The following PDE1C variants were observed in gnomAD, a reference collection of about 807,000 sequenced individuals.
The protein encoded by PDE1C is dual specificity calcium/calmodulin-dependent 3',5'-cyclic nucleotide phosphodiesterase 1C.
Under a neutral mutation model 93.1 loss-of-function variants are expected in PDE1C, and 62 were observed. The observed-to-expected ratio is 0.67, with a 90% CI of 0.54 to 0.82. PDE1C has a LOEUF of 0.82. PDE1C is among the 40% of genes least tolerant of loss of function. PDE1C has a pLI of 0.00. For synonymous variants in PDE1C, 325 were observed against 310.1 expected (o/e 1.05, Z -0.50); for missense variants, 742 against 884.6 (o/e 0.84, Z 2.04).
chr7:31,930,905 A>G (rs1804139364), intron 2 of PDE1C, among the ~76,000 whole-genome samples: 1 of 149,326 alleles, frequency 6.7e-6, no homozygotes, highest in Admixed American at 6.7e-5. Flanking sequence ...AGTTGGCTTC[A>G]TCCCTGGGAT....
chr7:31,754,251 A>C (rs1485731794), intron 17 of PDE1C, among the ~76,000 whole-genome samples: 1 of 152,246 alleles, frequency 6.6e-6, no homozygotes, highest in African/African-American at 2.4e-5. Context: ...GCTGGCAAGG[A>C]TGTAAAGTAA....
chr7:31,694,387 A>AACACACACACACAC, the PDE1C span, among the ~76,000 whole-genome samples: 8,758 of 141,524 alleles, frequency 0.062, 325 homozygotes, highest in East Asian at 0.087. Flanking sequence ...CTCTCTCTCA[A>AACACACACACACAC]ACACACACAC....
intron 2 of PDE1C, among the ~76,000 whole-genome samples, chr7:32,050,114 T>C (rs998845168): frequency 2.0e-5 from 3 of 152,222 alleles, no homozygotes; most frequent in Non-Finnish European, 4.4e-5. Flanking sequence ...AGCTAATGCA[T>C]TGTACTACAA....
At chr7:31,786,992 C>G (rs192423666) in intron 16 of PDE1C, 1 of 150,524 alleles carries the variant, frequency 6.6e-6, no homozygotes, top group East Asian at 1.9e-4. Flanking sequence ...ACCTACCTAT[C>G]TAAGGAAAAG....
the PDE1C span, chr7:31,643,634 G>C: frequency 1.2e-6 from 2 of 1,614,054 alleles, no homozygotes; most frequent in Non-Finnish European, 1.7e-6. Flanking sequence ...ACAAAAGCAA[G>C]ACAGTTAAAT....
chr7:32,356,770 A>C (rs1330811337), intron 1 of PDE1C, among the ~76,000 whole-genome samples: 1 of 152,174 alleles, frequency 6.6e-6, no homozygotes, highest in Non-Finnish European at 1.5e-5. Flanking sequence ...ATTTATATTG[A>C]ATCAGTCGCA....
intron 3 of PDE1C, among the ~76,000 whole-genome samples, chr7:32,146,186 TAAC>T (rs2128784697): frequency 6.6e-6 from 1 of 152,260 alleles, no homozygotes; most frequent in South Asian, 2.1e-4. Context: ...GCATTTCTGT[TAAC>T]AGCACTCTCT....
intron 1 of PDE1C, among the ~76,000 whole-genome samples, chr7:32,261,026 C>G (rs1045337944): frequency 1.3e-5 from 2 of 152,110 alleles, no homozygotes; most frequent in African/African-American, 4.8e-5. Flanking sequence ...AGGAGAATTG[C>G]TTGAACCTGG....
chr7:31,962,437 C>T (rs111586457), intron 2 of PDE1C, among the ~76,000 whole-genome samples: 2,693 of 152,310 alleles, frequency 0.018, 80 homozygotes, highest in African/African-American at 0.061. Flanking sequence ...ATGCTTATGG[C>T]CCACACTTTC....
At chr7:31,617,006 AT>A in the PDE1C span, among the ~76,000 whole-genome samples, 1 of 152,128 alleles carries the variant, frequency 6.6e-6, no homozygotes, top group Non-Finnish European at 1.5e-5. Flanking sequence ...TTCCAAGTGC[AT>A]TCTTCTTTTC....
chr7:31,929,530 A>G (rs186337349), intron 2 of PDE1C, among the ~76,000 whole-genome samples: 41 of 152,308 alleles, frequency 2.7e-4, no homozygotes, highest in African/African-American at 2.4e-5. Context: ...TCGACCATAT[A>G]TTTGGAAGTA....
chr7:31,824,021 T>C (rs1789332021), intron 13 of PDE1C, among the ~76,000 whole-genome samples: 1 of 151,992 alleles, frequency 6.6e-6, no homozygotes, highest in Admixed American at 6.6e-5. Context: ...GTTAGCAAAC[T>C]TAAGAGGGTC....
chr7:31,898,220 G>T (rs1799554269), intron 2 of PDE1C, among the ~76,000 whole-genome samples: 1 of 151,850 alleles, frequency 6.6e-6, no homozygotes, highest in Non-Finnish European at 1.5e-5. Context: ...TGCTTTATTT[G>T]TATTTTTAAA....
the PDE1C span, among the ~76,000 whole-genome samples, chr7:31,618,233 A>T: frequency 6.6e-6 from 1 of 152,200 alleles, no homozygotes; most frequent in Admixed American, 6.5e-5. Flanking sequence ...TTCCCCAGCC[A>T]CCACCCAATT....
rs372878842 is a variant in PDE1C, at chr7:32,057,198, A to T, written c.102-5618T>A. Among the ~76,000 whole-genome samples the T allele has an allele frequency of 3.3e-5, 5 of 152,254 alleles. No homozygotes were observed. The East Asian group carries it at 9.6e-4, about 29-fold the overall frequency. On this transcript the variant is annotated intron_variant, in intron 1 of 17. Coordinates refer to ENST00000396191, the MANE Select transcript of PDE1C (RefSeq NM_001191057.4). Reference sequence around the variant, plus strand: ...AAAAACTGAGCCCAGTGACTTGCTTACACACATCCTTAAGCAGTCTCAGGA... The same window carrying T: ...AAAAACTGAGCCCAGTGACTTGCTTTCACACATCCTTAAGCAGTCTCAGGA...
intron 16 of PDE1C, among the ~76,000 whole-genome samples, chr7:31,799,675 T>C (rs1188300325): frequency 2.0e-5 from 3 of 151,726 alleles, no homozygotes; most frequent in South Asian, 2.1e-4. Context: ...TTATATAATG[T>C]AGATATGATT....
intron 16 of PDE1C, among the ~76,000 whole-genome samples, chr7:31,799,034 T>C (rs192189575): frequency 6.6e-6 from 1 of 151,772 alleles, no homozygotes; most frequent in Non-Finnish European, 1.5e-5. Context: ...TTCCTTGAGA[T>C]GAGAAAACTG....
chr7:32,208,361 A>G (rs1805759654), intron 2 of PDE1C, among the ~76,000 whole-genome samples: 1 of 152,162 alleles, frequency 6.6e-6, no homozygotes, highest in African/African-American at 2.4e-5. Flanking sequence ...AGGGATTTAT[A>G]GAGTTCCTCC....
chr7:32,166,104 T>A (rs1584888718), intron 3 of PDE1C, among the ~76,000 whole-genome samples: 1 of 152,280 alleles, frequency 6.6e-6, no homozygotes, highest in East Asian at 1.9e-4. Flanking sequence ...TTAGCTTGAT[T>A]TAATCATTTT....
Sources: allele counts gnomAD v4.1 joint callset (sites outside exome capture counted in the v4.1 genomes callset), GRCh38; gene constraint gnomAD v4.1.1; transcripts MANE v1.5; gene names NCBI Gene and HGNC (gene_info 2026-07-23, HGNC 2026-07-21).